Variants in TSHR observed in about 807,000 individuals in gnomAD.
TSHR encodes the protein thyroid stimulating hormone receptor, also known as thyrotropin receptor.
A neutral mutation model predicts 64.1 loss-of-function variants in TSHR; 51 were observed. The ratio of observed to expected loss-of-function variants is 0.80; its 90% CI spans 0.64 to 1.01. TSHR has a LOEUF of 1.01. TSHR is among the 50% of genes least tolerant of loss of function. The pLI is 0.00. For missense variants in TSHR, 877 were observed against 942.8 expected, an observed-to-expected ratio of 0.93 and a Z score of 0.91; for synonymous variants, 361 against 361.9, an observed-to-expected ratio of 1.00 and a Z score of 0.03.
chr14:81,028,745 G>A (rs545468412), intron 1 of TSHR, among the ~76,000 whole-genome samples: 1 of 152,102 alleles, frequency 6.6e-6, no homozygotes, highest in South Asian at 2.1e-4. Flanking sequence ...AGACAAATGA[G>A]AAGAGAAGAT....
At chr14:81,030,429 A>C (rs2139819937) in intron 1 of TSHR, among the ~76,000 whole-genome samples, 1 of 152,238 alleles carries the variant, frequency 6.6e-6, no homozygotes, top group East Asian at 1.9e-4. Flanking sequence ...TAAAAATCTG[A>C]AGTTTGGCCT....
At chr14:81,104,125 C>T (rs1889747236) in intron 7 of TSHR, 1 of 985,386 alleles carries the variant, frequency 1.0e-6, no homozygotes, top group Non-Finnish European at 1.2e-6. Flanking sequence ...TGACTTTTCC[C>T]TCTGCCTATT....
intron 1 of TSHR, among the ~76,000 whole-genome samples, chr14:80,959,797 T>C (rs1414665329): frequency 2.6e-5 from 4 of 152,216 alleles, no homozygotes; most frequent in Non-Finnish European, 4.4e-5. Context: ...TCTCCTACTG[T>C]TTACTAAACT....
intron 1 of TSHR, among the ~76,000 whole-genome samples, chr14:80,960,560 T>C (rs1035330633): frequency 2.0e-5 from 3 of 152,196 alleles, no homozygotes; most frequent in Non-Finnish European, 2.9e-5. Context: ...GGAATGAACA[T>C]AATAATGAAC....
intron 7 of TSHR, 134 bp from the exon 8 acceptor site, chr14:81,108,241 A>T (rs1890026758): frequency 1.3e-6 from 1 of 777,412 alleles, no homozygotes; most frequent in South Asian, 1.6e-5. Flanking sequence ...CCAGAAGAAG[A>T]TAAAGTATCT....
In TSHR at chr14:81,142,229, T is replaced by C. The variant is rs748353900; in HGVS notation, c.882-711T>C. Reference sequence around the variant, plus strand: ...CCAAGTAGCTGGAATTACAGGCACGTGCCACTACGCCTGGCTAATTTTTGG... The same window carrying C: ...CCAAGTAGCTGGAATTACAGGCACGCGCCACTACGCCTGGCTAATTTTTGG... On this transcript the variant is annotated intron_variant, in intron 9 of 9. Transcript: ENST00000298171. 1.4e-4 allele frequency among the ~76,000 whole-genome samples: 22 copies of C among 152,250 alleles called. 1 individual carries two copies. The highest frequency in any genetic ancestry group is 3.4e-3 in the Middle Eastern group (1 of 294).
At chr14:81,128,013 A>G (rs1453439936) in intron 8 of TSHR, among the ~76,000 whole-genome samples, 1 of 152,230 alleles carries the variant, frequency 6.6e-6, no homozygotes, top group Non-Finnish European at 1.5e-5. Context: ...CCATTGCAGA[A>G]TCCATTATGT....
At chr14:81,092,451 A>G in intron 5 of TSHR, 80 bp from the exon 6 acceptor site, 2 of 1,219,254 alleles carry the variant, frequency 1.6e-6, no homozygotes, top group Non-Finnish European at 2.4e-6. Context: ...CCTGTTATTT[A>G]AGTGCATATG....
At chr14:81,029,659 G>A (rs1017172213) in intron 1 of TSHR, among the ~76,000 whole-genome samples, 1 of 152,160 alleles carries the variant, frequency 6.6e-6, no homozygotes, top group African/African-American at 2.4e-5. Flanking sequence ...AGAAATGAGT[G>A]TGTGCCATTC....
rs1888728807 is a variant in TSHR, at chr14:80,991,611, A to T, written c.170+35761A>T. On this transcript the variant is annotated intron_variant, in intron 1 of 9. Transcript: ENST00000298171. ...ATTCAACATTGAAGGAGACATTTTA[A>T]ATCCCAGTCAAGAGGAAAGAAAGAG... 8 of 398,604 alleles carry T rather than the reference A, an allele frequency of 2.0e-5. No homozygotes were observed. In the East Asian group the frequency reaches 2.9e-4, roughly 14 times the overall value. 24.7% of individuals were successfully genotyped at this position (398,604 alleles called of 1,614,324 possible). A position where few individuals can be genotyped will look rare whatever the true frequency, so the allele number is the denominator to read the frequency against.
intron 6 of TSHR, chr14:81,095,670 T>C (rs922373180): frequency 6.6e-6 from 1 of 152,194 alleles, no homozygotes; most frequent in East Asian, 1.9e-4. Context: ...GTAACTTCAA[T>C]AGGAAATAGA....
intron 8 of TSHR, among the ~76,000 whole-genome samples, chr14:81,130,011 G>T (rs1182246871): frequency 1.3e-5 from 2 of 152,138 alleles, no homozygotes; most frequent in African/African-American, 2.4e-5. Flanking sequence ...GACATCAGTT[G>T]AATGCCATGT....
intron 1 of TSHR, among the ~76,000 whole-genome samples, chr14:80,997,636 T>TA (rs1889093248): frequency 6.6e-6 from 1 of 152,196 alleles, no homozygotes; most frequent in Non-Finnish European, 1.5e-5. Context: ...GTAACAATAA[T>TA]AATTAATACT....
chr14:81,001,461 A>C, intron 1 of TSHR: 3 of 501,476 alleles, frequency 6.0e-6, no homozygotes, highest in Admixed American at 4.0e-5. Flanking sequence ...GGTATGCTCA[A>C]TGACCTGAGA....
At chr14:81,113,410 T>C (rs1344212227) in intron 8 of TSHR, among the ~76,000 whole-genome samples, 2 of 152,158 alleles carry the variant, frequency 1.3e-5, no homozygotes, top group African/African-American at 2.4e-5. Context: ...AGGCAGGCAG[T>C]GATATATGTG....
chr14:80,997,402 C>G (rs895768603), intron 1 of TSHR, among the ~76,000 whole-genome samples: 2 of 152,104 alleles, frequency 1.3e-5, no homozygotes, highest in Non-Finnish European at 2.9e-5. Context: ...TTTTAAAAAA[C>G]AAGCAATTAA....
intron 8 of TSHR, among the ~76,000 whole-genome samples, chr14:81,137,961 G>A (rs1891520255): frequency 6.6e-6 from 1 of 152,070 alleles, no homozygotes; most frequent in Non-Finnish European, 1.5e-5. Flanking sequence ...TTGAAAGATG[G>A]CCACACCTTG....
rs75481671 is a variant in TSHR at position 80,964,384 on chromosome 14, C to T, written c.170+8534C>T. ...AAGTAGTAAGCATAGAAAACTAATT[C>T]GTAATACATAAAACATATTGTTAAA... is the stretch of plus-strand genomic sequence containing the variant. On this transcript the variant is annotated intron_variant, in intron 1 of 9. Coordinates refer to ENST00000298171, the MANE Select transcript of TSHR (RefSeq NM_000369.5). Among the ~76,000 whole-genome samples, 193 of 152,282 alleles carry T rather than the reference C, an allele frequency of 1.3e-3. 1 individual carries two copies. The East Asian group carries it at 0.013, about 10-fold the overall frequency.
chr14:80,982,782 C>A, intron 1 of TSHR: 1 of 578,356 alleles, frequency 1.7e-6, no homozygotes, highest in South Asian at 3.0e-5. Context: ...CAACAGCCTG[C>A]CCTTGTAGGA....
Sources: gnomAD v4.1 joint callset for allele counts (sites outside exome capture counted in the v4.1 genomes callset) on GRCh38, gnomAD v4.1.1 for gene constraint, MANE v1.5 for transcripts, NCBI Gene and HGNC (gene_info 2026-07-23, HGNC 2026-07-21) for gene names.